Variants in PHC3 observed in about 807,000 individuals in gnomAD.
The protein encoded by PHC3 is polyhomeotic homolog 3, also known as polyhomeotic-like protein 3.
A neutral mutation model predicts 107.4 loss-of-function variants in PHC3; 13 were observed. That is an observed-to-expected ratio of 0.12 (90% CI 0.08 to 0.19). PHC3 has a LOEUF of 0.19. PHC3 is among the 10% of genes least tolerant of loss of function. The pLI, the probability that PHC3 is intolerant of heterozygous loss-of-function variation, is 1.00. For missense variants in PHC3, 992 were observed against 1,210.9 expected, an observed-to-expected ratio of 0.82 and a Z score of 2.68; for synonymous variants, 456 against 427.4, an observed-to-expected ratio of 1.07 and a Z score of -0.83.
At position 170,102,692 on chromosome 3, in the gene PHC3, A is replaced by G. The variant is rs373201159; in HGVS notation, c.2620T>C (p.Ser874Pro). The G allele has an allele frequency of 6.2e-6, 10 of 1,613,836 alleles. No homozygotes were observed. Among genetic ancestry groups the G allele is most frequent in the Non-Finnish European group, 6.8e-6 (8 of 1,179,856 alleles). Residue 874 changes from serine to proline, a missense_variant, in exon 14 of 15, where the codon TCT becomes CCT. Physicochemically the swap from Ser to Pro is moderately conservative, Grantham distance 74. Coordinates refer to ENST00000495893, the MANE Select transcript of PHC3 (RefSeq NM_024947.4). ...TGAGAAGCCAAGTCTTCTTCTGCAG[A>G]TGGATAAGTAATTGGAAGCTGGAAA... ...ILRQLPITYP[S>P]AEEDLASHED...
chr3:170,162,592 C>G (rs1311443753), intron 4 of PHC3, among the ~76,000 whole-genome samples: 2 of 152,222 alleles, frequency 1.3e-5, no homozygotes, highest in Non-Finnish European at 2.9e-5. Flanking sequence ...ATATCACCAT[C>G]ATGATCCAAA....
chr3:170,172,180 A>C (rs1181583035), intron 3 of PHC3, among the ~76,000 whole-genome samples: 1 of 152,152 alleles, frequency 6.6e-6, no homozygotes, highest in Non-Finnish European at 1.5e-5. Flanking sequence ...TCTTATAAAC[A>C]ACTTAATATT....
chr3:170,152,030 A>G (rs1726070461), intron 4 of PHC3, among the ~76,000 whole-genome samples: 1 of 152,104 alleles, frequency 6.6e-6, no homozygotes, highest in Non-Finnish European at 1.5e-5. Context: ...TAGTAGGCAC[A>G]TGACAGTTGG....
intron 6 of PHC3, among the ~76,000 whole-genome samples, chr3:170,138,236 A>G (rs1266119779): frequency 1.3e-5 from 2 of 152,190 alleles, no homozygotes; most frequent in African/African-American, 2.4e-5. Flanking sequence ...TAAAAAAGCT[A>G]TACTTCAGGC....
In PHC3 at chr3:170,122,577, TG is replaced by T. The variant is rs1228856973; in HGVS notation, c.1942+13del. 6.2e-7 allele frequency: 1 copy of T among 1,612,304 alleles called. No individual in the cohort carries two copies. Among genetic ancestry groups the T allele is most frequent in the South Asian group, 1.1e-5 (1 of 91,000 alleles). On this transcript the variant is annotated intron_variant, in intron 9 of 14. Coordinates refer to ENST00000495893, the MANE Select transcript of PHC3 (RefSeq NM_024947.4). ...CAAATAGAAAAATTCCCACAAATTT[TG>T]GTATTTTCTCACCTAACAAAGGATG...
At chr3:170,117,609 G>A (rs1419204173) in intron 9 of PHC3, 133 bp from the exon 10 acceptor site, 4 of 863,014 alleles carry the variant, frequency 4.6e-6, no homozygotes, top group Non-Finnish European at 7.0e-6. Flanking sequence ...AGAACCTTAA[G>A]ACCTCATTTA....
chr3:170,157,256 G>A (rs1727040702), intron 4 of PHC3, among the ~76,000 whole-genome samples: 1 of 152,150 alleles, frequency 6.6e-6, no homozygotes, highest in Non-Finnish European at 1.5e-5. Flanking sequence ...GAATACCTGT[G>A]TTTACAATGT....
intron 4 of PHC3, among the ~76,000 whole-genome samples, chr3:170,152,082 T>C (rs1374099239): frequency 6.6e-6 from 1 of 152,054 alleles, no homozygotes; most frequent in African/African-American, 2.4e-5. Flanking sequence ...ATATTTTTAT[T>C]TTAATATAAT....
intron 4 of PHC3, among the ~76,000 whole-genome samples, 197 bp from the exon 5 acceptor site, chr3:170,149,441 G>A (rs1419808439): frequency 6.6e-6 from 1 of 151,954 alleles, no homozygotes; most frequent in Non-Finnish European, 1.5e-5. Flanking sequence ...GCATGGATTG[G>A]TTAGTAATCA....
chr3:170,138,221 T>A lies in PHC3; in HGVS notation c.673-1556A>T, dbSNP rs1226319794. Among the ~76,000 whole-genome samples, 4 of 151,686 alleles carry A rather than the reference T, an allele frequency of 2.6e-5. No homozygotes were observed. In the South Asian group the frequency reaches 8.3e-4, roughly 32 times the overall value. ...AAAAAACAAATAAATAAATAAATAA[T>A]TTTTTAAAAAAGCTATACTTCAGGC... On this transcript the variant is annotated intron_variant, in intron 6 of 14. Transcript: ENST00000495893.
chr3:170,157,319 C>T (rs536485148), intron 4 of PHC3, among the ~76,000 whole-genome samples: 26 of 152,242 alleles, frequency 1.7e-4, no homozygotes, highest in African/African-American at 5.5e-4. Flanking sequence ...ACATATATGT[C>T]CATAATACAT....
intron 9 of PHC3, among the ~76,000 whole-genome samples, chr3:170,117,887 C>T (rs1473561574): frequency 1.3e-5 from 2 of 151,788 alleles, no homozygotes; most frequent in African/African-American, 2.4e-5. Context: ...GTGGCACACG[C>T]CTGTCATCTC....
chr3:170,168,610 A>T (rs778761178), intron 4 of PHC3, among the ~76,000 whole-genome samples: 51 of 151,888 alleles, frequency 3.4e-4, no homozygotes, highest in Non-Finnish European at 4.3e-4. Context: ...AAAAATTAGC[A>T]GGGTGCGGTG....
chr3:170,152,490 C>A (rs897003401), intron 4 of PHC3, among the ~76,000 whole-genome samples: 1 of 151,092 alleles, frequency 6.6e-6, no homozygotes, highest in Non-Finnish European at 1.5e-5. Context: ...CCAGCCTATT[C>A]TGTAATTTAG....
At chr3:170,137,211 A>T (rs1723231710) in intron 6 of PHC3, among the ~76,000 whole-genome samples, 2 of 152,182 alleles carry the variant, frequency 1.3e-5, no homozygotes, top group African/African-American at 4.8e-5. Context: ...TAATTTAGTA[A>T]AATTTTGGTG....
chr3:170,168,571 A>G (rs1366357404), intron 4 of PHC3, among the ~76,000 whole-genome samples: 3 of 151,990 alleles, frequency 2.0e-5, no homozygotes, highest in African/African-American at 7.2e-5. Flanking sequence ...TGAGACCATC[A>G]TGGCTAAGAC....
intron 2 of PHC3, among the ~76,000 whole-genome samples, chr3:170,178,306 G>A (rs887502267): frequency 6.6e-6 from 1 of 151,870 alleles, no homozygotes; most frequent in African/African-American, 2.4e-5. Context: ...ACTGCGCCCG[G>A]CTAATTTTTT....
rs190320073 is a variant in PHC3 at position 170,102,857 on chromosome 3, C to T, written c.2546G>A (p.Arg849His). ...ATCAGGGCCACTTGGACGACGGCCA[C>T]GATGCCCAAGACTTTGATTATCAGG... ...RKPDNQSLGH[R>H]GRRPSGPDGA... The change falls in exon 13 of 15, where the codon CGT (arginine) becomes CAT (histidine). Residue 849 changes from arginine (R) to histidine (H), a missense_variant. By Grantham distance (29) the Arg-to-His change is conservative. Transcript: ENST00000495893. The T allele has an allele frequency of 3.6e-4, 580 of 1,613,846 alleles. 2 individuals are homozygous for T. Among genetic ancestry groups the T allele is most frequent in the Non-Finnish European group, 4.2e-4 (497 of 1,179,814 alleles).
chr3:170,150,823 TG>T, intron 4 of PHC3: 1 of 288,054 alleles, frequency 3.5e-6, no homozygotes, highest in Non-Finnish European at 6.8e-6. Context: ...GACATTGGAG[TG>T]GGGTGGCTAG....
Sources: allele counts gnomAD v4.1 joint callset (sites outside exome capture counted in the v4.1 genomes callset), GRCh38; gene constraint gnomAD v4.1.1; transcripts MANE v1.5; gene names NCBI Gene and HGNC (gene_info 2026-07-23, HGNC 2026-07-21).